Variants in FRYL observed in about 807,000 individuals in gnomAD.
FRYL encodes the protein FRY like transcription coactivator.
FRYL carries 150 observed loss-of-function variants against 351.2 expected under a neutral mutation model. That is an observed-to-expected ratio of 0.43 (90% confidence interval 0.37 to 0.49). The LOEUF is 0.49. Among genes scored for constraint, FRYL ranks in the 20% least tolerant of loss-of-function variants. FRYL has a pLI of 0.00. For missense variants in FRYL, 3,036 were observed against 3,619.3 expected, an observed-to-expected ratio of 0.84 and a Z score of 4.13; for synonymous variants, 1,153 against 1,257.1, an observed-to-expected ratio of 0.92 and a Z score of 1.75.
rs117038951 is a variant in FRYL at position 48,648,324 on chromosome 4, G to A, written c.-80-13834C>T. On this transcript the variant is annotated intron_variant, in intron 3 of 63. Transcript: ENST00000358350. Reference sequence around the variant, plus strand: ...AACAAGGTTTTTGCTATTCTACATGGTCTAGTCCTTGCTTAACTTTCCAGC... The same window carrying A: ...AACAAGGTTTTTGCTATTCTACATGATCTAGTCCTTGCTTAACTTTCCAGC... Among the ~76,000 whole-genome samples, 32 of 152,160 alleles carry A rather than the reference G, an allele frequency of 2.1e-4. No individual in the cohort carries two copies. The East Asian group carries it at 5.8e-3, about 28-fold the overall frequency.
chr4:48,599,135 G>A (rs1378502692), intron 13 of FRYL, among the ~76,000 whole-genome samples: 1 of 151,934 alleles, frequency 6.6e-6, no homozygotes, highest in Non-Finnish European at 1.5e-5. Context: ...TCTTCTTAAA[G>A]CACTGTATTT....
At chr4:48,578,709 C>T (rs1463627888) in intron 23 of FRYL, among the ~76,000 whole-genome samples, 7 of 152,076 alleles carry the variant, frequency 4.6e-5, no homozygotes, top group Non-Finnish European at 1.0e-4. Flanking sequence ...AACACAGATT[C>T]GATGGACACA....
chr4:48,720,780 G>A (rs28624901), intron 1 of FRYL, among the ~76,000 whole-genome samples: 212 of 152,272 alleles, frequency 1.4e-3, no homozygotes, highest in African/African-American at 4.9e-3. Flanking sequence ...CACTAAGCGT[G>A]ATGTCCTCAA....
chr4:48,689,894 T>C (rs1765519456), intron 2 of FRYL, among the ~76,000 whole-genome samples: 1 of 150,510 alleles, frequency 6.6e-6, no homozygotes, highest in South Asian at 2.1e-4. Flanking sequence ...TTTCTTTTTT[T>C]CTTTTTTTTT....
At chr4:48,521,285 T>C in intron 54 of FRYL, 70 bp from the exon 55 acceptor site, 1 of 1,166,010 alleles carries the variant, frequency 8.6e-7, no homozygotes, top group Non-Finnish European at 1.2e-6. Context: ...TTCTCTATCA[T>C]AAAATATTTT....
At chr4:48,669,640 A>C (rs1367684723) in intron 3 of FRYL, among the ~76,000 whole-genome samples, 1 of 148,722 alleles carries the variant, frequency 6.7e-6, no homozygotes, top group Non-Finnish European at 1.5e-5. Flanking sequence ...AATTTTATTA[A>C]ATAAAAATTA....
chr4:48,670,553 TG>T (rs912671827), intron 3 of FRYL, among the ~76,000 whole-genome samples: 7 of 152,042 alleles, frequency 4.6e-5, no homozygotes, highest in African/African-American at 1.7e-4. Context: ...TTACTATTTT[TG>T]TAACTATTGA....
Position 48,594,017 on chromosome 4 carries a change from CT to C in FRYL, c.1249-2del, listed in dbSNP as rs773912160. The C allele has an allele frequency of 2.6e-4, 371 of 1,432,802 alleles. 1 individual carries two copies. The South Asian group carries it at 5.0e-3, about 19-fold the overall frequency. 88.8% of individuals were successfully genotyped at this position (1,432,802 alleles called of 1,614,324 possible). Reference sequence around the variant, plus strand: ...CTTTCATTGCAAAATCCAAGCGTTCCTTAAAAAAAAAAAAATCCTTATAACT... The same window carrying C: ...CTTTCATTGCAAAATCCAAGCGTTCCTAAAAAAAAAAAAATCCTTATAACT... On this transcript the variant is annotated splice_acceptor_variant, in intron 15 of 63. Transcript: ENST00000358350. LOFTEE classifies it high-confidence loss of function.
chr4:48,550,410 T>A lies in FRYL; in HGVS notation c.4633+182A>T, dbSNP rs573015655. 3.6e-5 allele frequency: 20 copies of A among 549,134 alleles called. No individual in the cohort carries two copies. The Admixed American group carries it at 5.3e-4, about 14-fold the overall frequency. 34.0% of individuals were successfully genotyped at this position (549,134 alleles called of 1,614,324 possible). A position where few individuals can be genotyped will look rare whatever the true frequency, so the allele number is the denominator to read the frequency against. On this transcript the variant is annotated intron_variant, in intron 38 of 63. Transcript: ENST00000358350. ...TAGGAAACCAGTGCTTTAAAAAAAA[T>A]TTCACCCAATTACGTTGCTTCTTAA...
At chr4:48,774,226 TG>T (rs1775795785) in intron 1 of FRYL, among the ~76,000 whole-genome samples, 1 of 152,170 alleles carries the variant, frequency 6.6e-6, no homozygotes, top group Non-Finnish European at 1.5e-5. Context: ...ACCACTGAAT[TG>T]TACATTTTTA....
At chr4:48,777,420 G>A (rs1297598427) in intron 1 of FRYL, among the ~76,000 whole-genome samples, 2 of 152,056 alleles carry the variant, frequency 1.3e-5, no homozygotes, top group Admixed American at 1.3e-4. Flanking sequence ...ATCTTTTTCT[G>A]TCACAAAGAC....
intron 33 of FRYL, among the ~76,000 whole-genome samples, chr4:48,561,200 G>A (rs906149526): frequency 1.3e-5 from 2 of 152,092 alleles, no homozygotes; most frequent in Non-Finnish European, 1.5e-5. Flanking sequence ...GTGAAAAGTC[G>A]TCCCTCTTGT....
At chr4:48,665,082 T>C (rs1336512324) in intron 3 of FRYL, among the ~76,000 whole-genome samples, 1 of 152,194 alleles carries the variant, frequency 6.6e-6, no homozygotes, top group Non-Finnish European at 1.5e-5. Flanking sequence ...AGTAAGAAAG[T>C]ATTTTAACTA....
chr4:48,776,333 C>T (rs1776026462), intron 1 of FRYL, among the ~76,000 whole-genome samples: 1 of 152,076 alleles, frequency 6.6e-6, no homozygotes, highest in South Asian at 2.1e-4. Flanking sequence ...TAATATTTTA[C>T]AACAAGCATG....
At chr4:48,739,203 C>A (rs1771771896) in intron 1 of FRYL, among the ~76,000 whole-genome samples, 1 of 152,042 alleles carries the variant, frequency 6.6e-6, no homozygotes, top group Non-Finnish European at 1.5e-5. Flanking sequence ...GCGTTGAAGA[C>A]CAGCCTGGCC....
intron 1 of FRYL, among the ~76,000 whole-genome samples, chr4:48,751,447 C>A (rs937899647): frequency 6.6e-6 from 1 of 152,058 alleles, no homozygotes. Flanking sequence ...AATGATTAAA[C>A]AAGTGAGAAG....
At chr4:48,607,875 A>G (rs1747204207) in intron 9 of FRYL, among the ~76,000 whole-genome samples, 1 of 152,176 alleles carries the variant, frequency 6.6e-6, no homozygotes, top group Non-Finnish European at 1.5e-5. Context: ...GTTCTCCTGG[A>G]TCCAACTTGC....
At chr4:48,520,154 C>T (rs140166333) in intron 55 of FRYL, among the ~76,000 whole-genome samples, 69 of 152,222 alleles carry the variant, frequency 4.5e-4, no homozygotes, top group African/African-American at 1.5e-3. Context: ...TGGCATCTAC[C>T]GAAAGCACAA....
At chr4:48,535,367 G>T (rs186082198) in intron 48 of FRYL, among the ~76,000 whole-genome samples, 4 of 151,756 alleles carry the variant, frequency 2.6e-5, no homozygotes, top group Admixed American at 1.3e-4. Context: ...AGTAAATAAG[G>T]ATATAAACAC....
Sources: allele counts gnomAD v4.1 joint callset (sites outside exome capture counted in the v4.1 genomes callset), GRCh38; gene constraint gnomAD v4.1.1; transcripts MANE v1.5; gene names NCBI Gene and HGNC (gene_info 2026-07-23, HGNC 2026-07-21).